SPTLC2: variants seen among roughly 807,000 people sequenced by gnomAD.
SPTLC2 encodes serine palmitoyltransferase long chain base subunit 2, also known as serine palmitoyltransferase 2.
Under a neutral mutation model 62.0 loss-of-function variants are expected in SPTLC2, and 21 were observed. That is an observed-to-expected ratio of 0.34 (90% CI 0.24 to 0.49). The LOEUF (loss-of-function observed/expected upper bound fraction) is 0.49, where lower values mean the gene tolerates loss of function less well. SPTLC2 is among the 20% of genes least tolerant of loss of function. The pLI is 0.99. For missense variants in SPTLC2, 511 were observed against 713.0 expected (o/e 0.72, Z 3.23); for synonymous variants, 261 against 261.8 (o/e 1.00, Z 0.03).
intron 9 of SPTLC2, among the ~76,000 whole-genome samples, chr14:77,547,180 T>C (rs1388336820): frequency 2.6e-5 from 4 of 152,136 alleles, no homozygotes. Context: ...AAGTATTTTT[T>C]TTTTTTTTTC....
intron 1 of SPTLC2, among the ~76,000 whole-genome samples, chr14:77,602,610 T>C (rs117261003): frequency 0.094 from 14,180 of 151,542 alleles, 834 homozygotes; most frequent in Admixed American, 0.18. Context: ...AGTGCAGTGG[T>C]GTGATCATGG....
intron 11 of SPTLC2, 100 bp downstream of exon 11, chr14:77,517,938 C>T: frequency 1.3e-6 from 2 of 1,581,278 alleles, no homozygotes; most frequent in Non-Finnish European, 1.7e-6. Flanking sequence ...GTCTTAGGTG[C>T]TCACAAGAAC....
intron 1 of SPTLC2, among the ~76,000 whole-genome samples, chr14:77,605,598 G>A (rs899080696): frequency 2.0e-5 from 3 of 152,214 alleles, no homozygotes; most frequent in African/African-American, 7.2e-5. Flanking sequence ...TACTTGTAGA[G>A]CTTTAGCGTG....
intron 1 of SPTLC2, among the ~76,000 whole-genome samples, chr14:77,608,709 G>A (rs28460392): frequency 0.24 from 35,839 of 151,772 alleles, 4,483 homozygotes; most frequent in East Asian, 0.32. Flanking sequence ...TTGGAGTAGG[G>A]AAGAGAACTC....
At chr14:77,602,034 G>A (rs774974418) in intron 1 of SPTLC2, among the ~76,000 whole-genome samples, 8 of 151,916 alleles carry the variant, frequency 5.3e-5, no homozygotes, top group Non-Finnish European at 8.8e-5. Flanking sequence ...TTCCCTTGGT[G>A]GCAAGTCAAC....
intron 2 of SPTLC2, among the ~76,000 whole-genome samples, chr14:77,585,114 G>A (rs2079774088): frequency 6.6e-6 from 1 of 152,184 alleles, no homozygotes. Flanking sequence ...AGGGGAGGGA[G>A]GCCCTAACCT....
intron 7 of SPTLC2, 24 bp downstream of exon 7, chr14:77,557,017 G>A: frequency 1.3e-6 from 2 of 1,596,150 alleles, no homozygotes; most frequent in South Asian, 2.2e-5. Flanking sequence ...AGTCACAAAG[G>A]TAAGAATAAT....
chr14:77,579,266 C>A (rs1447907353), intron 2 of SPTLC2, among the ~76,000 whole-genome samples, 157 bp from the exon 3 acceptor site: 2 of 152,130 alleles, frequency 1.3e-5, no homozygotes, highest in Non-Finnish European at 2.9e-5. Flanking sequence ...AGGGATTTTA[C>A]GGTATCAGTC....
rs1295199452 is a variant in SPTLC2, at chr14:77,511,987, A to G, written c.*297T>C. 2.6e-6 allele frequency: 1 copy of G among 385,024 alleles called. No individual in the cohort carries two copies. The highest frequency in any genetic ancestry group is 3.7e-5 in the Admixed American group (1 of 27,316). The allele number at this position is 385,024 out of a possible 1,614,324, so 23.9% of individuals were successfully genotyped here. A position where few individuals can be genotyped will look rare whatever the true frequency, so the allele number is the denominator to read the frequency against. On this transcript the variant is annotated 3_prime_UTR_variant, in exon 12 of 12. Transcript: ENST00000216484. Reference sequence around the variant, plus strand: ...CTGTGTGGTTAGCCAGAGACAGGCTAGGGTCAGCGTGATTTCACAAGTAGA... The same window carrying G: ...CTGTGTGGTTAGCCAGAGACAGGCTGGGGTCAGCGTGATTTCACAAGTAGA...
rs147028113 is a variant in SPTLC2, at chr14:77,525,151, A to G, written c.1304-3570T>C. Among the ~76,000 whole-genome samples, 215 of 152,300 alleles carry G rather than the reference A, an allele frequency of 1.4e-3. 1 individual carries two copies. Among genetic ancestry groups the G allele is most frequent in the African/African-American group, 4.7e-3 (194 of 41,564 alleles). On this transcript the variant is annotated intron_variant, in intron 9 of 11. Transcript: ENST00000216484. ...ATCAATTTTTAAAAAAAGGAAAGCC[A>G]GGCACAGTGGTGTGATTCTGGCTAC...
At chr14:77,552,250 A>G (rs1368460609) in intron 8 of SPTLC2, 28 bp from the exon 9 acceptor site, 2 of 1,613,532 alleles carry the variant, frequency 1.2e-6, no homozygotes, top group East Asian at 2.2e-5. Context: ...GCAGATAAGT[A>G]GAGACAATTC....
intron 1 of SPTLC2, among the ~76,000 whole-genome samples, chr14:77,611,137 C>CAGAAA (rs750581771): frequency 7.9e-6 from 1 of 126,516 alleles, no homozygotes; most frequent in Non-Finnish European, 1.7e-5. Flanking sequence ...ACTAAAAATA[C>CAGAAA]AAAAAAAAAA....
In SPTLC2 at chr14:77,595,818, CA is replaced by C. The variant is rs1201417810; in HGVS notation, c.327+1367del. 2.6e-5 allele frequency among the ~76,000 whole-genome samples: 4 copies of C among 152,068 alleles called. 1 individual carries two copies. The East Asian group carries it at 7.7e-4, about 29-fold the overall frequency. ...CTTTTCCTCGGACGCACAGGAACCA[CA>C]AAAAAACTCTAATGTCTTAAGTCCT... is the stretch of plus-strand genomic sequence containing the variant. On this transcript the variant is annotated intron_variant, in intron 2 of 11. Transcript: ENST00000216484.
At chr14:77,527,728 T>C (rs995289028) in intron 9 of SPTLC2, among the ~76,000 whole-genome samples, 5 of 102,448 alleles carry the variant, frequency 4.9e-5, no homozygotes, top group Admixed American at 3.2e-4. Context: ...TTCTGAACGC[T>C]CAAGACTGCT....
chr14:77,513,609 G>A (rs72683247), intron 11 of SPTLC2, among the ~76,000 whole-genome samples: 136 of 152,206 alleles, frequency 8.9e-4, no homozygotes, highest in Non-Finnish European at 1.7e-3. Flanking sequence ...AAAAGTCAAA[G>A]CTGGCCGGGC....
chr14:77,532,507 G>A lies in SPTLC2; in HGVS notation c.1304-10926C>T, dbSNP rs79889656. On this transcript the variant is annotated intron_variant, in intron 9 of 11. Transcript: ENST00000216484. Reference sequence around the variant, plus strand: ...TAATATAAAAATCTGATTCTGGGCTGGGCGCGGTGGCTCACACCTGTAAAC... The same window carrying A: ...TAATATAAAAATCTGATTCTGGGCTAGGCGCGGTGGCTCACACCTGTAAAC... Among the ~76,000 whole-genome samples the A allele has an allele frequency of 5.8e-3, 884 of 152,256 alleles. 10 individuals are homozygous for A. The highest frequency in any genetic ancestry group is 0.02 in the African/African-American group (832 of 41,546).
intron 1 of SPTLC2, among the ~76,000 whole-genome samples, chr14:77,614,398 C>T (rs1024412390): frequency 2.0e-5 from 3 of 150,212 alleles, no homozygotes; most frequent in Admixed American, 6.8e-5. Context: ...GGTGCAGTGG[C>T]TCACACCCGT....
chr14:77,516,916 ATT>A (rs2079362082), intron 11 of SPTLC2, among the ~76,000 whole-genome samples: 1 of 152,238 alleles, frequency 6.6e-6, no homozygotes. Context: ...AATTGTTATA[ATT>A]AACTTTTATA....
chr14:77,557,220 T>A lies in SPTLC2; in HGVS notation c.851-74A>T, dbSNP rs1469500259. ...ACTTTATTCCGGAAATGCAGAGATA[T>A]ATTTCTCATTCAGAAACCATGCCTC... On this transcript the variant is annotated intron_variant, in intron 6 of 11. Transcript: ENST00000216484. The A allele has an allele frequency of 1.4e-5, 18 of 1,316,826 alleles. No homozygotes were observed. In the East Asian group the frequency reaches 4.2e-4, roughly 31 times the overall value. 81.6% of individuals were successfully genotyped at this position (1,316,826 alleles called of 1,614,324 possible). A position where few individuals can be genotyped will look rare whatever the true frequency, so the allele number is the denominator to read the frequency against.
Sources: gnomAD v4.1 joint callset for allele counts (sites outside exome capture counted in the v4.1 genomes callset) on GRCh38, gnomAD v4.1.1 for gene constraint, MANE v1.5 for transcripts, NCBI Gene and HGNC (gene_info 2026-07-23, HGNC 2026-07-21) for gene names.